Variants in PMEPA1 observed in about 807,000 individuals in gnomAD.
The protein encoded by PMEPA1 is protein TMEPAI.
A neutral mutation model predicts 23.0 loss-of-function variants in PMEPA1; 11 were observed. The observed-to-expected ratio is 0.48, with a 90% CI of 0.30 to 0.79. The LOEUF is 0.79. PMEPA1 is among the 30% of genes least tolerant of loss of function. The probability of loss-of-function intolerance (pLI) is 0.06; values close to 1 mark genes in which losing one functional copy is unlikely to be tolerated. For missense variants in PMEPA1, 377 were observed against 390.9 expected (o/e 0.96, Z 0.30); for synonymous variants, 204 against 166.4 (o/e 1.23, Z -1.74).
At chr20:57,684,768 T>A (rs574601032) in intron 1 of PMEPA1, among the ~76,000 whole-genome samples, 1 of 151,964 alleles carries the variant, frequency 6.6e-6, no homozygotes, top group African/African-American at 2.4e-5. Flanking sequence ...GTTTTATTTG[T>A]CTAGGCATGT....
intron 1 of PMEPA1, among the ~76,000 whole-genome samples, chr20:57,688,422 G>T (rs2071830691): frequency 6.6e-6 from 1 of 152,098 alleles, no homozygotes; most frequent in Admixed American, 6.5e-5. Flanking sequence ...ACGCCTACGG[G>T]GTAGGCACTT....
At chr20:57,653,648 T>C (rs370519751) in intron 2 of PMEPA1, among the ~76,000 whole-genome samples, 47 of 152,192 alleles carry the variant, frequency 3.1e-4, no homozygotes, top group Non-Finnish European at 2.4e-4. Flanking sequence ...ATGTGCTGGG[T>C]GTCACCTCCA....
At chr20:57,662,001 G>GCACGCCAC (rs2071427111) in intron 1 of PMEPA1, among the ~76,000 whole-genome samples, 4 of 151,266 alleles carry the variant, frequency 2.6e-5, no homozygotes, top group African/African-American at 9.8e-5. Flanking sequence ...CCAGGGCTCA[G>GCACGCCAC]CGTGCCACTG....
At position 57,695,057 on chromosome 20, in the gene PMEPA1, CA is replaced by C. The variant is rs557840183; in HGVS notation, c.109+14416del. 2.3e-3 allele frequency among the ~76,000 whole-genome samples: 350 copies of C among 152,356 alleles called. 4 individuals carry two copies. Among genetic ancestry groups the C allele is most frequent in the African/African-American group, 8.0e-3 (332 of 41,592 alleles). The stretch of plus-strand genomic sequence containing the variant: ...AACACCCACCTCAGCAGCCATGCCC[CA>C]AGCCCAGGACACGAAGCTCCACACT... On this transcript the variant is annotated intron_variant, in intron 1 of 3. Transcript: ENST00000341744.
chr20:57,694,062 T>C (rs2071916186), intron 1 of PMEPA1, among the ~76,000 whole-genome samples: 1 of 152,170 alleles, frequency 6.6e-6, no homozygotes, highest in South Asian at 2.1e-4. Flanking sequence ...CAGAACTCCA[T>C]CTCCCACTTT....
chr20:57,700,193 A>C (rs964076419), intron 1 of PMEPA1: 1 of 469,976 alleles, frequency 2.1e-6, no homozygotes, highest in Admixed American at 2.3e-5. Context: ...CAACCTGTCA[A>C]TGACAATAGA....
intron 1 of PMEPA1, among the ~76,000 whole-genome samples, chr20:57,680,280 C>G (rs183145021): frequency 5.3e-5 from 8 of 152,358 alleles, no homozygotes; most frequent in Admixed American, 4.6e-4. Context: ...CACCCGCATT[C>G]TGCAGATGAA....
In PMEPA1 at chr20:57,650,841, G is replaced by C. The variant is rs1463744706; in HGVS notation, c.*1212C>G. 1 of 152,176 alleles carries C rather than the reference G, an allele frequency of 6.6e-6. No homozygotes were observed. Among genetic ancestry groups the C allele is most frequent in the Non-Finnish European group, 1.5e-5 (1 of 68,022 alleles). The allele number at this position is 152,176 out of a possible 1,614,324, so 9.4% of individuals were successfully genotyped here. On this transcript the variant is annotated 3_prime_UTR_variant, in exon 4 of 4. Coordinates refer to ENST00000341744, the MANE Select transcript of PMEPA1 (RefSeq NM_020182.5). ...GGAGGAGGTCAGATTGCGAATACCT[G>C]GGGCTTCCTAGGGTCCAGTGCGGCA...
chr20:57,686,328 G>A (rs1250221719), intron 1 of PMEPA1, among the ~76,000 whole-genome samples: 3 of 152,180 alleles, frequency 2.0e-5, no homozygotes, highest in Admixed American at 6.5e-5. Flanking sequence ...CCGGCCAAGC[G>A]GTCACTTCCT....
At chr20:57,667,331 G>A (rs1024236823) in intron 1 of PMEPA1, among the ~76,000 whole-genome samples, 1 of 152,214 alleles carries the variant, frequency 6.6e-6, no homozygotes, top group Admixed American at 6.5e-5. Flanking sequence ...GCTGTAAACG[G>A]GGAGAGGGTC....
chr20:57,685,544 G>T (rs2071789696), intron 1 of PMEPA1, among the ~76,000 whole-genome samples: 1 of 152,158 alleles, frequency 6.6e-6, no homozygotes, highest in East Asian at 1.9e-4. Flanking sequence ...TTGTCAGATG[G>T]ACTTAAATGA....
chr20:57,681,690 G>C (rs1217987252), intron 1 of PMEPA1, among the ~76,000 whole-genome samples: 2 of 152,126 alleles, frequency 1.3e-5, no homozygotes, highest in Admixed American at 1.3e-4. Context: ...GATTCTCTGT[G>C]GTTTTCCCAG....
At chr20:57,707,313 A>G (rs1413028765) in intron 1 of PMEPA1, among the ~76,000 whole-genome samples, 1 of 151,910 alleles carries the variant, frequency 6.6e-6, no homozygotes, top group African/African-American at 2.4e-5. Context: ...TCCTCACCCT[A>G]GTCTCTCGGG....
chr20:57,678,075 A>T (rs892460255), intron 1 of PMEPA1, among the ~76,000 whole-genome samples: 3 of 152,232 alleles, frequency 2.0e-5, no homozygotes, highest in African/African-American at 7.2e-5. Context: ...GTAGAATGAG[A>T]TGTTCTTGTG....
At chr20:57,679,886 G>A (rs890009166) in intron 1 of PMEPA1, among the ~76,000 whole-genome samples, 5 of 152,186 alleles carry the variant, frequency 3.3e-5, no homozygotes, top group Non-Finnish European at 7.3e-5. Context: ...AAAAGGACAG[G>A]GCCAGAGAGG....
chr20:57,658,576 G>T (rs1211102561), intron 2 of PMEPA1, among the ~76,000 whole-genome samples: 1 of 152,192 alleles, frequency 6.6e-6, no homozygotes. Flanking sequence ...GACCAGACCC[G>T]TGCTCTGTGC....
At chr20:57,653,444 G>T (rs2071282571) in intron 2 of PMEPA1, among the ~76,000 whole-genome samples, 1 of 152,122 alleles carries the variant, frequency 6.6e-6, no homozygotes, top group Non-Finnish European at 1.5e-5. Flanking sequence ...CTCACCCCTG[G>T]CCCCACTCCC....
intron 1 of PMEPA1, among the ~76,000 whole-genome samples, chr20:57,703,721 G>A (rs1299705779): frequency 2.0e-4 from 30 of 152,324 alleles, no homozygotes; most frequent in Admixed American, 2.0e-3. Context: ...GTCCGAGGAT[G>A]GGCAACCTTT....
Position 57,652,271 on chromosome 20 carries a change from C to A in PMEPA1, c.646G>T (p.Ala216Ser). The change falls in exon 4 of 4, where the codon GCC (alanine) becomes TCC (serine). Residue 216 changes from alanine to serine, a missense_variant. Physicochemically the swap from Ala to Ser is moderately conservative, Grantham distance 99. Around this residue, in one of 3 missense-constraint regions of PMEPA1, gnomAD observed 176 missense variants for 173.0 expected, o/e 1.02. Coordinates refer to ENST00000341744, the MANE Select transcript of PMEPA1 (RefSeq NM_020182.5). This position sits in a 1 kb window ranked among gnomAD's most constrained non-coding sequence, Gnocchi z 6.1. The stretch of plus-strand genomic sequence containing the variant: ...CGCCCGCCGCTGCCGTAGCACGTGG[C>A]GCTGATGCCCGAGTTACTGCTGGGG... ...CPPSSNSGIS[A>S]TCYGSGGRME... 1 of 1,608,516 alleles carries A rather than the reference C, an allele frequency of 6.2e-7. No homozygotes were observed. The highest frequency in any genetic ancestry group is 1.1e-5 in the South Asian group (1 of 91,040).
Sources: allele counts gnomAD v4.1 joint callset (sites outside exome capture counted in the v4.1 genomes callset), GRCh38; gene constraint gnomAD v4.1.1; regional missense constraint gnomAD v4.1.1; non-coding constraint Gnocchi (gnomAD v3.1); transcripts MANE v1.5; gene names NCBI Gene and HGNC (gene_info 2026-07-23, HGNC 2026-07-21).